Variants in PREPL observed in about 807,000 individuals in gnomAD.
The protein encoded by PREPL is prolyl endopeptidase-like.
In PREPL, 77 loss-of-function variants were observed where a neutral mutation model predicts 70.6. The ratio of observed to expected loss-of-function variants is 1.09; its 90% CI spans 0.91 to 1.32. The LOEUF (loss-of-function observed/expected upper bound fraction) is 1.32, where lower values mean the gene tolerates loss of function less well. Among genes scored for constraint, PREPL ranks in the 40% most tolerant of loss-of-function variants. PREPL has a pLI of 0.00. For synonymous variants in PREPL, 315 were observed against 264.8 expected (o/e 1.19, Z -1.84); for missense variants, 1,002 against 778.2 (o/e 1.29, Z -3.42).
Position 44,323,283 on chromosome 2 carries a change from G to A in PREPL, c.1608C>T (p.Pro536=), listed in dbSNP as rs767242494. Residue 536 remains proline (P), a synonymous_variant, in exon 11 of 14, where the codon CCC becomes CCT. Coordinates refer to ENST00000409411, the MANE Select transcript of PREPL (RefSeq NM_001171613.2). ...KHKNYIKRYC[P]YQNIKPQHYP... The stretch of plus-strand genomic sequence containing the variant: ...CTACCTGAGGTTTAATATTTTGATA[G>A]GGACAGTAACGTTTTATGTAGTTCT... The A allele has an allele frequency of 5.6e-6, 9 of 1,601,190 alleles. No homozygotes were observed. Among genetic ancestry groups the A allele is most frequent in the African/African-American group, 2.7e-5 (2 of 74,242 alleles).
chr2:44,354,547 C>T (rs1329112959), intron 1 of PREPL, among the ~76,000 whole-genome samples: 1 of 151,882 alleles, frequency 6.6e-6, no homozygotes, highest in African/African-American at 2.4e-5. Flanking sequence ...CTCCACTTTA[C>T]TAGTGAGTTA....
At chr2:44,350,801 A>G (rs547051569) in intron 1 of PREPL, among the ~76,000 whole-genome samples, 64 of 152,278 alleles carry the variant, frequency 4.2e-4, no homozygotes, top group Non-Finnish European at 5.9e-5. Context: ...TTCAGTATTC[A>G]TATTACTTGA....
At chr2:44,358,136 G>T (rs1677249253) in intron 1 of PREPL, among the ~76,000 whole-genome samples, 1 of 152,142 alleles carries the variant, frequency 6.6e-6, no homozygotes, top group Admixed American at 6.5e-5. Flanking sequence ...TTTCTAAAAT[G>T]AGAAGAATCT....
In PREPL at chr2:44,343,974, G is replaced by C. The variant is rs1397809112; in HGVS notation, c.143-23C>G. 3.1e-6 allele frequency: 5 copies of C among 1,606,298 alleles called. No homozygotes were observed. In the African/African-American group the frequency reaches 4.0e-5, roughly 13 times the overall value. ...CTGCTGTATAAAGAAAAATACGAAAGTGATAACTTCAAAGGATGTACTTTA... is the reference window on the plus strand; with the variant it reads ...CTGCTGTATAAAGAAAAATACGAAACTGATAACTTCAAAGGATGTACTTTA... On this transcript the variant is annotated intron_variant, in intron 3 of 13. Transcript: ENST00000409411.
In PREPL at chr2:44,346,025, A is replaced by T. The variant is rs1032972630; in HGVS notation, c.75+243T>A. On this transcript the variant is annotated intron_variant, in intron 2 of 13. Transcript: ENST00000409411. ...GAACTGATTGTTTGCAAAAACCAGA[A>T]TTAATATATTACAGTTGAAAATTCA... Among the ~76,000 whole-genome samples, 5 of 152,046 alleles carry T rather than the reference A, an allele frequency of 3.3e-5. No individual in the cohort carries two copies. In the East Asian group the frequency reaches 9.7e-4, roughly 29 times the overall value.
intron 1 of PREPL, among the ~76,000 whole-genome samples, chr2:44,354,673 C>G (rs1676820648): frequency 6.6e-6 from 1 of 152,092 alleles, no homozygotes; most frequent in South Asian, 2.1e-4. Flanking sequence ...CTCCCGGGTT[C>G]AAGTGATTCT....
At chr2:44,343,411 A>G (rs764792282) in intron 4 of PREPL, among the ~76,000 whole-genome samples, 2 of 152,226 alleles carry the variant, frequency 1.3e-5, no homozygotes, top group African/African-American at 2.4e-5. Context: ...ATTCAAGCTT[A>G]AAGTTGAATA....
intron 1 of PREPL, among the ~76,000 whole-genome samples, chr2:44,353,336 C>T (rs183191190): frequency 6.7e-4 from 102 of 152,192 alleles, no homozygotes; most frequent in Admixed American, 1.2e-3. Flanking sequence ...GTAATCCCAG[C>T]ACTTTGGGAG....
Position 44,320,834 on chromosome 2 carries a change from A to C in PREPL, c.*522T>G, listed in dbSNP as rs1672880219. On this transcript the variant is annotated 3_prime_UTR_variant, in exon 14 of 14. Coordinates refer to ENST00000409411, the MANE Select transcript of PREPL (RefSeq NM_001171613.2). ...AATGTTTAAAAGTAAATTATGGCTT[A>C]TAGGAGCTTATAACTTTATTCAGAT... The C allele has an allele frequency of 2.3e-5, 14 of 602,382 alleles. No homozygotes were observed. The highest frequency in any genetic ancestry group is 3.8e-5 in the Non-Finnish European group (13 of 340,386). The allele number at this position is 602,382 out of a possible 1,614,324, so 37.3% of individuals were successfully genotyped here. A position where few individuals can be genotyped will look rare whatever the true frequency, so the allele number is the denominator to read the frequency against.
chr2:44,321,143 T>C lies in PREPL; in HGVS notation c.*213A>G, dbSNP rs11124988. 428,394 of 529,950 alleles carry C rather than the reference T, an allele frequency of 0.81. 177,410 individuals carry two copies. Among genetic ancestry groups the C allele is most frequent in the African/African-American group, 0.91 (47,680 of 52,388 alleles). 32.8% of individuals were successfully genotyped at this position (529,950 alleles called of 1,614,324 possible). A position where few individuals can be genotyped will look rare whatever the true frequency, so the allele number is the denominator to read the frequency against. ...CCTTCTAAGGAGCATGATTTGAAAA[T>C]TACTTTCCTAGGTTAATGGGCATGT... On this transcript the variant is annotated 3_prime_UTR_variant, in exon 14 of 14. Coordinates refer to ENST00000409411, the MANE Select transcript of PREPL (RefSeq NM_001171613.2).
Position 44,321,486 on chromosome 2 carries a change from G to C in PREPL, c.1828-41C>G. 5.0e-6 allele frequency: 8 copies of C among 1,590,756 alleles called. No individual in the cohort carries two copies. In the South Asian group the frequency reaches 9.0e-5, roughly 18 times the overall value. On this transcript the variant is annotated intron_variant, in intron 13 of 13. Coordinates refer to ENST00000409411, the MANE Select transcript of PREPL (RefSeq NM_001171613.2). ...TAAAAAAATTAAATAGAAGGCCTTT[G>C]TAGTAAAATGCCACTGTTTAAGCTT...
At chr2:44,342,386 A>G in intron 5 of PREPL, 31 bp downstream of exon 5, 1 of 1,561,506 alleles carries the variant, frequency 6.4e-7, no homozygotes, top group African/African-American at 1.4e-5. Flanking sequence ...AAGGTTCTGG[A>G]GAGAAAGATT....
intron 1 of PREPL, among the ~76,000 whole-genome samples, chr2:44,351,136 T>C (rs1472329455): frequency 6.7e-6 from 1 of 150,098 alleles, no homozygotes; most frequent in Non-Finnish European, 1.5e-5. Flanking sequence ...GGTTTCACCA[T>C]ATTGGCTAGG....
rs1437196024 is a variant in PREPL, at chr2:44,342,288, GA to G, written c.485+128del. On this transcript the variant is annotated intron_variant, in intron 5 of 13. Coordinates refer to ENST00000409411, the MANE Select transcript of PREPL (RefSeq NM_001171613.2). ...TTTTGAATACAAACAACTAATAAAA[GA>G]ATGATCGTTTTAGCCTTATTATTCC... is the stretch of plus-strand genomic sequence containing the variant. The G allele has an allele frequency of 5.1e-6, 4 of 790,146 alleles. No individual in the cohort carries two copies. The African/African-American group carries it at 5.2e-5, about 10-fold the overall frequency. 48.9% of individuals were successfully genotyped at this position (790,146 alleles called of 1,614,324 possible). A position where few individuals can be genotyped will look rare whatever the true frequency, so the allele number is the denominator to read the frequency against.
Position 44,322,817 on chromosome 2 carries a change from T to C in PREPL, c.1667A>G (p.Asp556Gly). Residue 556 changes from aspartate (D) to glycine (G), a missense_variant, in exon 12 of 14, where the codon GAT (aspartate) becomes GGT (glycine). Asp to Gly is a moderately conservative substitution (Grantham distance 94). Coordinates refer to ENST00000409411, the MANE Select transcript of PREPL (RefSeq NM_001171613.2). Reference sequence around the variant, plus strand: ...AATTCCTTTCAGAGGTACCCGTTCATCGTTTTCATATGCCGTTATGTGAAT... The same window carrying C: ...AATTCCTTTCAGAGGTACCCGTTCACCGTTTTCATATGCCGTTATGTGAAT... ...PSIHITAYEN[D>G]ERVPLKGIVS... is the part of the protein sequence containing the mutation. 1.2e-6 allele frequency: 2 copies of C among 1,613,866 alleles called. No homozygotes were observed. Among genetic ancestry groups the C allele is most frequent in the Non-Finnish European group, 8.5e-7 (1 of 1,179,790 alleles).
At chr2:44,339,834 G>C (rs1217221218) in intron 5 of PREPL, among the ~76,000 whole-genome samples, 2 of 152,014 alleles carry the variant, frequency 1.3e-5, no homozygotes, top group Non-Finnish European at 2.9e-5. Flanking sequence ...GGGACACGGA[G>C]TTATTTTTAT....
Position 44,319,754 on chromosome 2 carries a change from C to T in PREPL, c.*1602G>A, listed in dbSNP as rs1250156692. 1.3e-5 allele frequency: 2 copies of T among 158,646 alleles called. No homozygotes were observed. The highest frequency in any genetic ancestry group is 2.4e-5 in the African/African-American group (1 of 41,504). 9.8% of individuals were successfully genotyped at this position (158,646 alleles called of 1,614,324 possible). A position where few individuals can be genotyped will look rare whatever the true frequency, so the allele number is the denominator to read the frequency against. On this transcript the variant is annotated 3_prime_UTR_variant, in exon 14 of 14. Transcript: ENST00000409411. ...CTAAAGTTACACGATCTTCGCACAACAGCAACCTACACATTAGTCTACAAA... is the reference window on the plus strand; with the variant it reads ...CTAAAGTTACACGATCTTCGCACAATAGCAACCTACACATTAGTCTACAAA...
chr2:44,321,231 A>C lies in PREPL; in HGVS notation c.*125T>G. ...AGACTAAGCAAAATTTAGATGGAGA[A>C]GCACATTTTAAAAAATTAATAACTT... is the stretch of plus-strand genomic sequence containing the variant. On this transcript the variant is annotated 3_prime_UTR_variant, in exon 14 of 14. Transcript: ENST00000409411. 1 of 837,156 alleles carries C rather than the reference A, an allele frequency of 1.2e-6. No homozygotes were observed. Among genetic ancestry groups the C allele is most frequent in the Non-Finnish European group, 1.9e-6 (1 of 538,196 alleles). 51.9% of individuals were successfully genotyped at this position (837,156 alleles called of 1,614,324 possible).
At chr2:44,359,414 C>A in intron 1 of PREPL, 1 of 1,053,756 alleles carries the variant, frequency 9.5e-7, no homozygotes, top group Non-Finnish European at 1.4e-6. Context: ...AAATTAGTAG[C>A]TCTGATATTC....
Sources: gnomAD v4.1 joint callset for allele counts (sites outside exome capture counted in the v4.1 genomes callset) on GRCh38, gnomAD v4.1.1 for gene constraint, MANE v1.5 for transcripts, NCBI Gene and HGNC (gene_info 2026-07-23, HGNC 2026-07-21) for gene names.